MTERF4: variants seen among roughly 807,000 people sequenced by gnomAD.
MTERF4 encodes the protein mitochondrial transcription termination factor 4.
MTERF4 carries 17 observed loss-of-function variants against 22.5 expected under a neutral mutation model. The ratio of observed to expected loss-of-function variants is 0.75; its 90% confidence interval spans 0.52 to 1.13. MTERF4 has a LOEUF of 1.13. MTERF4 is among the 50% of genes most tolerant of loss of function. MTERF4 has a pLI of 0.00. For synonymous variants in MTERF4, 165 were observed against 175.3 expected, an observed-to-expected ratio of 0.94 and a Z score of 0.47; for missense variants, 420 against 466.8, an observed-to-expected ratio of 0.90 and a Z score of 0.92.
At chr2:241,082,309 C>A, downstream of MTERF4, 1 of 1,613,674 alleles carries the variant, frequency 6.2e-7, no homozygotes. Flanking sequence ...CTGCACAAGG[C>A]TGTTCTCCGA....
At chr2:241,048,913 T>C in the MTERF4 span, 1 of 1,212,426 alleles carries the variant, frequency 8.2e-7, no homozygotes, top group Non-Finnish European at 1.2e-6. Context: ...CAAGAGTGCC[T>C]GAACCTGTTG....
the MTERF4 span, among the ~76,000 whole-genome samples, chr2:241,045,278 A>T: frequency 6.6e-6 from 1 of 152,358 alleles, no homozygotes; most frequent in African/African-American, 2.4e-5. Context: ...TCTCAGCAGA[A>T]TCTTTTGTAA....
the MTERF4 span, among the ~76,000 whole-genome samples, chr2:241,057,380 A>AAAAAAAAT: frequency 8.5e-6 from 1 of 118,114 alleles, no homozygotes; most frequent in African/African-American, 3.8e-5. Flanking sequence ...TCCATCTCAA[A>AAAAAAAAT]ATATATATAT....
chr2:241,050,824 C>T, the MTERF4 span, among the ~76,000 whole-genome samples: 1 of 146,982 alleles, frequency 6.8e-6, no homozygotes, highest in Admixed American at 6.8e-5. Flanking sequence ...GTCCACTGTA[C>T]CCAAGGTGGG....
Position 241,095,581 on chromosome 2 carries a change from G to A in MTERF4, c.*417C>T, listed in dbSNP as rs1426338623. 2 of 178,958 alleles carry A rather than the reference G, an allele frequency of 1.1e-5. No homozygotes were observed. The highest frequency in any genetic ancestry group is 2.4e-5 in the African/African-American group (1 of 41,962). The allele number at this position is 178,958 out of a possible 1,614,324, so 11.1% of individuals were successfully genotyped here. Reference sequence around the variant, plus strand: ...TACTAAAACCTCACATTGCCTTCTCGTAATTTTATTTTTATCACAAGAAGG... The same window carrying A: ...TACTAAAACCTCACATTGCCTTCTCATAATTTTATTTTTATCACAAGAAGG... On this transcript the variant is annotated 3_prime_UTR_variant, in exon 4 of 4. Transcript: ENST00000391980.
At position 241,075,262 on chromosome 2, in the gene MTERF4, G is replaced by A. The variant is rs1311290606; in HGVS notation, n.900C>T. The A allele has an allele frequency of 1.3e-5, 2 of 152,208 alleles. No homozygotes were observed. Among genetic ancestry groups the A allele is most frequent in the Admixed American group, 6.5e-5 (1 of 15,286 alleles). The allele number at this position is 152,208 out of a possible 1,614,324, so 9.4% of individuals were successfully genotyped here. ...GGAGTGGAAAAGCTGGATCTAGGAT[G>A]AGGATGTGTGAATGCCCAAATTACA... On this transcript the variant is annotated non_coding_transcript_exon_variant, in exon 5 of 5. Coordinates refer to the MTERF4 transcript ENST00000464344. This position sits in a 1 kb window ranked among gnomAD's most constrained non-coding sequence, Gnocchi z 4.8.
intron 2 of MTERF4, among the ~76,000 whole-genome samples, chr2:241,097,941 G>A (rs2064530624): frequency 6.6e-6 from 1 of 152,102 alleles, no homozygotes; most frequent in South Asian, 2.1e-4. Context: ...TAATCATGAG[G>A]ACACACAACA....
At chr2:241,051,643 C>G in the MTERF4 span, 2 of 961,498 alleles carry the variant, frequency 2.1e-6, no homozygotes, top group Non-Finnish European at 1.5e-6. This position sits in a 1 kb window ranked among gnomAD's most constrained non-coding sequence, Gnocchi z 4.7. Flanking sequence ...CGAGAAGGCC[C>G]CACCAGCACC....
At chr2:241,099,364 C>T (rs753923569) in intron 2 of MTERF4, 32 bp downstream of exon 2, 23 of 1,592,238 alleles carry the variant, frequency 1.4e-5, no homozygotes, top group Admixed American at 3.4e-5. Context: ...CATGAGCCAC[C>T]GCACCCAGCC....
the MTERF4 span, among the ~76,000 whole-genome samples, chr2:241,053,489 G>C: frequency 6.6e-6 from 1 of 152,226 alleles, no homozygotes; most frequent in African/African-American, 2.4e-5. Context: ...GTGGACCTTG[G>C]GGTGACAGTG....
the MTERF4 span, chr2:241,063,808 A>G: frequency 2.6e-6 from 2 of 776,970 alleles, no homozygotes; most frequent in South Asian, 1.8e-5. Flanking sequence ...ACCTGGGGAG[A>G]GGGACCCCCA....
Position 241,102,038 on chromosome 2 carries a change from C to A in MTERF4, c.21+215G>T, listed in dbSNP as rs564492503. The A allele has an allele frequency of 2.2e-5, 13 of 578,456 alleles. No homozygotes were observed. In the East Asian group the frequency reaches 3.9e-4, roughly 17 times the overall value. 35.8% of individuals were successfully genotyped at this position (578,456 alleles called of 1,614,324 possible). A position where few individuals can be genotyped will look rare whatever the true frequency, so the allele number is the denominator to read the frequency against. ...ATTGCACTCCAGCCTGGAGACAGAGCGAGACTTTGTCTCAAAAAAAAAAAA... is the reference window on the plus strand; with the variant it reads ...ATTGCACTCCAGCCTGGAGACAGAGAGAGACTTTGTCTCAAAAAAAAAAAA... On this transcript the variant is annotated intron_variant, in intron 1 of 3. Transcript: ENST00000391980.
downstream of MTERF4, chr2:241,088,451 G>T (rs58025399): frequency 4.9e-3 from 7,246 of 1,491,010 alleles, 259 homozygotes; most frequent in African/African-American, 0.083. Context: ...GCTGGGAAGT[G>T]GGGGGCGACT....
downstream of MTERF4, chr2:241,089,328 C>A (rs774073619): frequency 2.5e-5 from 39 of 1,550,304 alleles, no homozygotes; most frequent in Non-Finnish European, 2.8e-5. Flanking sequence ...CCTTGGGTAA[C>A]AAGCCACTTC....
chr2:241,044,967 A>G, the MTERF4 span, among the ~76,000 whole-genome samples: 1 of 152,132 alleles, frequency 6.6e-6, no homozygotes, highest in Admixed American at 6.5e-5. Context: ...TGGGACAGCA[A>G]CTCCATAAAG....
chr2:241,088,497 T>A, downstream of MTERF4: 1 of 1,023,492 alleles, frequency 9.8e-7, no homozygotes, highest in Non-Finnish European at 1.5e-6. Flanking sequence ...CGCTGCCTGC[T>A]TACTCAGCAC....
chr2:241,086,403 A>G (rs1019361118), downstream of MTERF4, among the ~76,000 whole-genome samples: 4 of 151,922 alleles, frequency 2.6e-5, no homozygotes, highest in Admixed American at 6.6e-5. Flanking sequence ...TGTCTCCCCA[A>G]CTTCAATCTC....
downstream of MTERF4, chr2:241,071,611 G>C (rs1433008764): frequency 4.4e-6 from 7 of 1,588,072 alleles, no homozygotes; most frequent in Admixed American, 8.6e-5. Context: ...CTGGCACCAG[G>C]GAGGACACCA....
downstream of MTERF4, chr2:241,071,718 C>CCCCCGGAAAA: frequency 6.7e-7 from 1 of 1,503,692 alleles, no homozygotes; most frequent in Non-Finnish European, 9.0e-7. Flanking sequence ...CCCAGCCCCC[C>CCCCCGGAAAA]AGGTACATGC....
Sources: allele counts gnomAD v4.1 joint callset (sites outside exome capture counted in the v4.1 genomes callset), GRCh38; gene constraint gnomAD v4.1.1; non-coding constraint Gnocchi (gnomAD v3.1); transcripts MANE v1.5; gene names NCBI Gene and HGNC (gene_info 2026-07-23, HGNC 2026-07-21).